Variants in AMPH observed in about 807,000 individuals in gnomAD.
AMPH encodes the protein amphiphysin (Stiff-Mann syndrome with breast cancer 128kD autoantigen).
AMPH carries 49 observed loss-of-function variants against 99.1 expected under a neutral mutation model. The observed-to-expected ratio is 0.49, with a 90% CI of 0.39 to 0.63. AMPH has a LOEUF of 0.63. AMPH is among the 20% of genes least tolerant of loss of function. The probability of loss-of-function intolerance (pLI) is 0.00; values close to 1 mark genes in which losing one functional copy is unlikely to be tolerated. For synonymous variants in AMPH, 314 were observed against 317.3 expected, an observed-to-expected ratio of 0.99 and a Z score of 0.11; for missense variants, 759 against 863.4, an observed-to-expected ratio of 0.88 and a Z score of 1.52.
At chr7:38,580,173 C>T (rs1196202614) in intron 1 of AMPH, among the ~76,000 whole-genome samples, 1 of 152,014 alleles carries the variant, frequency 6.6e-6, no homozygotes, top group East Asian at 1.9e-4. Context: ...CTTTTTATGC[C>T]TTTCTCTTCC....
intron 11 of AMPH, among the ~76,000 whole-genome samples, chr7:38,437,813 A>C (rs1309623220): frequency 2.6e-5 from 4 of 151,978 alleles, no homozygotes; most frequent in Admixed American, 2.6e-4. Context: ...CCCCCCAAAA[A>C]TAAAAAAAAT....
chr7:38,461,204 C>T, intron 11 of AMPH, 79 bp downstream of exon 11: 1 of 1,551,776 alleles, frequency 6.4e-7, no homozygotes, highest in Non-Finnish European at 8.8e-7. Context: ...GGAACCGCCA[C>T]TTTCTTTAGG....
intron 1 of AMPH, among the ~76,000 whole-genome samples, chr7:38,585,485 C>T (rs977451117): frequency 1.3e-5 from 2 of 152,146 alleles, no homozygotes; most frequent in South Asian, 2.1e-4. Flanking sequence ...TGGTGACAGC[C>T]GCGCTCAAGT....
chr7:38,492,489 C>A (rs1446188690), intron 4 of AMPH, among the ~76,000 whole-genome samples: 1 of 152,196 alleles, frequency 6.6e-6, no homozygotes, highest in Non-Finnish European at 1.5e-5. Flanking sequence ...CACACACACA[C>A]ACTTTTAAAA....
intron 19 of AMPH, among the ~76,000 whole-genome samples, 192 bp downstream of exon 19, chr7:38,391,556 A>C (rs1562721468): frequency 1.3e-5 from 2 of 152,210 alleles, no homozygotes; most frequent in Non-Finnish European, 2.9e-5. Context: ...CTTCCCTTTA[A>C]TTATTCTTTG....
intron 17 of AMPH, among the ~76,000 whole-genome samples, chr7:38,413,314 T>C (rs1398759911): frequency 6.6e-6 from 1 of 152,122 alleles, no homozygotes; most frequent in African/African-American, 2.4e-5. Context: ...ACATTGCTTT[T>C]GATCATAATA....
At position 38,436,313 on chromosome 7, in the gene AMPH, G is replaced by T. The variant is rs376578741; in HGVS notation, c.1093C>A (p.Pro365Thr). The change falls in exon 12 of 21, where the codon CCT becomes ACT. Residue 365 changes from proline (P) to threonine (T), a missense_variant. Physicochemically the swap from Pro to Thr is conservative, Grantham distance 38. Around this residue, in one of 2 missense-constraint regions of AMPH, gnomAD observed 554 missense variants for 575.6 expected, o/e 0.96. Coordinates refer to ENST00000356264, the MANE Select transcript of AMPH (RefSeq NM_001635.4). The stretch of plus-strand genomic sequence containing the variant: ...TGGGTCACTCCAGCAGAACCTGCAG[G>T]TGTCACCTCGGGCTTGAAAGGATCA... ...DFDPFKPEVT[P>T]AGSAGVTHSP... 2.4e-5 allele frequency: 39 copies of T among 1,614,032 alleles called. No individual in the cohort carries two copies. In the African/African-American group the frequency reaches 4.5e-4, roughly 19 times the overall value.
In AMPH at chr7:38,403,046, T is replaced by TTTG. The variant is rs148942096; in HGVS notation, c.1399-8835_1399-8833dup. On this transcript the variant is annotated intron_variant, in intron 17 of 20. Transcript: ENST00000356264. ...TTTTAAAAAAATGCTCCAAGGTTTT[T>TTTG]TTGTTGTTGTTGTTGTTTTTTCCAA... 1.3e-3 allele frequency among the ~76,000 whole-genome samples: 191 copies of TTTG among 152,158 alleles called. 1 individual carries two copies. The highest frequency in any genetic ancestry group is 4.3e-3 in the African/African-American group (177 of 41,502).
In AMPH at chr7:38,540,692, CAAAAAAAAA is replaced by C. The variant is rs373768495; in HGVS notation, c.70-5690_70-5682del. 6.5e-3 allele frequency among the ~76,000 whole-genome samples: 128 copies of C among 19,766 alleles called. 1 individual carries two copies. The highest frequency in any genetic ancestry group is 0.014 in the African/African-American group (80 of 5,668). 13.0% of individuals were successfully genotyped at this position (19,766 alleles called of 152,430 possible). A position where few individuals can be genotyped will look rare whatever the true frequency, so the allele number is the denominator to read the frequency against. On this transcript the variant is annotated intron_variant, in intron 1 of 20. Coordinates refer to ENST00000356264, the MANE Select transcript of AMPH (RefSeq NM_001635.4). ...AGCTATGAGAAGGTGTGACCCCAAG[CAAAAAAAAA>C]AAAAAAAAAAAAAAAAAAAGCTAGT...
At chr7:38,426,882 G>A in intron 15 of AMPH, 72 bp downstream of exon 15, 1 of 1,457,040 alleles carries the variant, frequency 6.9e-7, no homozygotes, top group South Asian at 1.2e-5. Flanking sequence ...GTGGCACAGA[G>A]AACCAAACCA....
At chr7:38,503,956 C>T (rs1304107916) in intron 2 of AMPH, among the ~76,000 whole-genome samples, 1 of 152,166 alleles carries the variant, frequency 6.6e-6, no homozygotes, top group Non-Finnish European at 1.5e-5. Flanking sequence ...TACACATCTT[C>T]TAATTCAAGA....
At chr7:38,562,750 G>A (rs143499320) in intron 1 of AMPH, among the ~76,000 whole-genome samples, 1 of 152,316 alleles carries the variant, frequency 6.6e-6, no homozygotes, top group East Asian at 1.9e-4. Flanking sequence ...TCTTTTATTT[G>A]TGATGTGCCA....
At chr7:38,528,308 T>C (rs1790265898) in intron 2 of AMPH, among the ~76,000 whole-genome samples, 1 of 152,226 alleles carries the variant, frequency 6.6e-6, no homozygotes, top group African/African-American at 2.4e-5. Flanking sequence ...AAAAAGATTA[T>C]GTAAAATTGA....
chr7:38,503,495 C>CA (rs1554348723), intron 3 of AMPH, among the ~76,000 whole-genome samples, 155 bp downstream of exon 3: 2 of 86,230 alleles, frequency 2.3e-5, no homozygotes, highest in East Asian at 4.6e-4. Context: ...GAATTTGGGG[C>CA]GGGGGGGTGG....
chr7:38,407,335 A>ATCTCTCTCTCTG (rs1785072188), intron 17 of AMPH, among the ~76,000 whole-genome samples: 1 of 140,480 alleles, frequency 7.1e-6, no homozygotes. Flanking sequence ...ATTAGGGAAA[A>ATCTCTCTCTCTG]TCTCTCTCTC....
intron 1 of AMPH, among the ~76,000 whole-genome samples, chr7:38,589,441 T>C (rs1327715765): frequency 1.3e-5 from 2 of 152,222 alleles, no homozygotes; most frequent in East Asian, 1.9e-4. Flanking sequence ...TTGGATAAGA[T>C]TGCCTGTCTC....
At chr7:38,578,937 T>C (rs1439916856) in intron 1 of AMPH, among the ~76,000 whole-genome samples, 1 of 152,244 alleles carries the variant, frequency 6.6e-6, no homozygotes, top group African/African-American at 2.4e-5. Context: ...TACTTCTGCT[T>C]TGAATCTGTT....
At chr7:38,453,025 T>C (rs1259922777) in intron 11 of AMPH, among the ~76,000 whole-genome samples, 1 of 152,206 alleles carries the variant, frequency 6.6e-6, no homozygotes, top group Non-Finnish European at 1.5e-5. Context: ...ACTCCCGCTT[T>C]TGACATCTTG....
rs886226528 is a variant in AMPH at position 38,540,681 on chromosome 7, G to T, written c.70-5670C>A. Among the ~76,000 whole-genome samples the T allele has an allele frequency of 3.9e-5, 3 of 76,500 alleles. No homozygotes were observed. In the East Asian group the frequency reaches 1.5e-3, roughly 39 times the overall value. 50.2% of individuals were successfully genotyped at this position (76,500 alleles called of 152,430 possible). On this transcript the variant is annotated intron_variant, in intron 1 of 20. Coordinates refer to ENST00000356264, the MANE Select transcript of AMPH (RefSeq NM_001635.4). The stretch of plus-strand genomic sequence containing the variant: ...AAGAAAAGTCAAGCTATGAGAAGGT[G>T]TGACCCCAAGCAAAAAAAAAAAAAA...
Sources: allele counts gnomAD v4.1 joint callset (sites outside exome capture counted in the v4.1 genomes callset), GRCh38; gene constraint gnomAD v4.1.1; regional missense constraint gnomAD v4.1.1; transcripts MANE v1.5; gene names NCBI Gene and HGNC (gene_info 2026-07-23, HGNC 2026-07-21).